GRHL3: variants seen among roughly 807,000 people sequenced by gnomAD.
GRHL3 encodes the protein grainyhead like transcription factor 3, also known as grainyhead-like protein 3 homolog.
Under a neutral mutation model 70.3 loss-of-function variants are expected in GRHL3, and 20 were observed. That is an observed-to-expected ratio of 0.28 (90% CI 0.20 to 0.41). GRHL3 has a LOEUF of 0.41. GRHL3 is among the 10% of genes least tolerant of loss of function. The pLI is 1.00. For synonymous variants in GRHL3, 299 were observed against 299.9 expected, an observed-to-expected ratio of 1.00 and a Z score of 0.03; for missense variants, 637 against 762.3, an observed-to-expected ratio of 0.84 and a Z score of 1.94.
intron 1 of GRHL3, 79 bp from the exon 2 acceptor site, chr1:24,331,347 T>C: frequency 7.7e-7 from 1 of 1,307,014 alleles, no homozygotes; most frequent in East Asian, 2.4e-5. Context: ...TCTGAATTCC[T>C]GGGCGTTGGC....
At chr1:24,345,575 G>A (rs566915297) in intron 12 of GRHL3, among the ~76,000 whole-genome samples, 1 of 152,270 alleles carries the variant, frequency 6.6e-6, no homozygotes, top group Admixed American at 6.5e-5. Context: ...CTGTGGTGGT[G>A]CAGATTCAGA....
chr1:24,346,439 A>C, intron 12 of GRHL3, 114 bp from the exon 13 acceptor site: 1 of 677,264 alleles, frequency 1.5e-6, no homozygotes, highest in Non-Finnish European at 2.6e-6. Flanking sequence ...TCTGCTTTGC[A>C]TCCACCCTTG....
At chr1:24,358,333 G>A (rs557982156), downstream of GRHL3, 93 of 690,532 alleles carry the variant, frequency 1.3e-4, no homozygotes, top group African/African-American at 1.5e-3. Context: ...AGTCTGTGGG[G>A]CTGGGGTGAA....
At chr1:24,355,896 AT>A (rs1640699299), downstream of GRHL3, among the ~76,000 whole-genome samples, 2 of 116,098 alleles carry the variant, frequency 1.7e-5, no homozygotes, top group African/African-American at 6.9e-5. Flanking sequence ...CTTTTCATTT[AT>A]CTTTTTTTTT....
At chr1:24,336,909 G>A (rs901921963) in intron 4 of GRHL3, 82 bp downstream of exon 4, 2 of 1,331,598 alleles carry the variant, frequency 1.5e-6, no homozygotes, top group African/African-American at 1.4e-5. Context: ...ACAGATCAGA[G>A]CTTTGGAATC....
chr1:24,322,887 G>A lies in GRHL3; in HGVS notation c.17+3319G>A, dbSNP rs1406448671. Among the ~76,000 whole-genome samples the A allele has an allele frequency of 6.6e-6, 1 of 152,214 alleles. No individual in the cohort carries two copies. Among genetic ancestry groups the A allele is most frequent in the Non-Finnish European group, 1.5e-5 (1 of 68,046 alleles). ...CCTCCCAACAAACTAATGCGGGATG[G>A]GAGTGTAAATGCAGTTTTGCCGAAG... On this transcript the variant is annotated intron_variant, in intron 1 of 15. Transcript: ENST00000361548. The surrounding 1 kb of genome is among the most constrained non-coding windows in gnomAD (Gnocchi z 4.4).
Position 24,342,379 on chromosome 1 carries a change from T to A in GRHL3, c.1206+106T>A. ...CTCTGGGTTGTCTGTCTCTCTCTGT[T>A]TTTCTATCCCTTCTCCTCCTTCCCC... On this transcript the variant is annotated intron_variant, in intron 9 of 15. Transcript: ENST00000361548. The surrounding 1 kb of genome is among the most constrained non-coding windows in gnomAD (Gnocchi z 4.8). 1 of 966,706 alleles carries A rather than the reference T, an allele frequency of 1.0e-6. No individual in the cohort carries two copies. Among genetic ancestry groups the A allele is most frequent in the Non-Finnish European group, 1.6e-6 (1 of 643,594 alleles). The allele number at this position is 966,706 out of a possible 1,614,324, so 59.9% of individuals were successfully genotyped here.
At chr1:24,345,515 G>A (rs559603165) in intron 12 of GRHL3, among the ~76,000 whole-genome samples, 8 of 151,876 alleles carry the variant, frequency 5.3e-5, no homozygotes, top group South Asian at 2.1e-4. Flanking sequence ...GTGAAAAGTC[G>A]GCGAATCTCT....
At chr1:24,363,666 G>A (rs185441489) in intron 15 of GRHL3, among the ~76,000 whole-genome samples, 8 of 152,296 alleles carry the variant, frequency 5.3e-5, no homozygotes, top group Admixed American at 3.3e-4. Flanking sequence ...AAATCTGTTC[G>A]AATAGAGGTT....
intron 8 of GRHL3, among the ~76,000 whole-genome samples, chr1:24,341,000 TG>T (rs1640014600): frequency 6.6e-6 from 1 of 151,784 alleles, no homozygotes; most frequent in South Asian, 2.1e-4. Context: ...GGCATGTGCC[TG>T]GGGGCCTGGT....
Position 24,342,882 on chromosome 1 carries a change from C to T in GRHL3, c.1286-10C>T, listed in dbSNP as rs1640101664. 7 of 1,614,222 alleles carry T rather than the reference C, an allele frequency of 4.3e-6. No individual in the cohort carries two copies. Among genetic ancestry groups the T allele is most frequent in the Non-Finnish European group, 5.9e-6 (7 of 1,180,046 alleles). ...GACCTCGGGGCACATTGGCTTCCTT[C>T]TCCCATCAGGCGTCAAGGGCTGCCT... On this transcript the variant is annotated splice_polypyrimidine_tract_variant and intron_variant, in intron 10 of 15. Coordinates refer to ENST00000361548, the MANE Select transcript of GRHL3 (RefSeq NM_198173.3). This position sits in a 1 kb window ranked among gnomAD's most constrained non-coding sequence, Gnocchi z 4.8.
At chr1:24,359,448 G>T (rs368254684), downstream of GRHL3, among the ~76,000 whole-genome samples, 1 of 152,178 alleles carries the variant, frequency 6.6e-6, no homozygotes, top group Non-Finnish European at 1.5e-5. This position sits in a 1 kb window ranked among gnomAD's most constrained non-coding sequence, Gnocchi z 5.3. Context: ...AGTTCTCCTC[G>T]ACTGACTAGA....
At chr1:24,337,055 C>T in intron 4 of GRHL3, 23 bp from the exon 5 acceptor site, 2 of 1,610,120 alleles carry the variant, frequency 1.2e-6, no homozygotes, top group South Asian at 1.1e-5. Context: ...CATTTATTCT[C>T]TTGGGGCTGT....
downstream of GRHL3, chr1:24,357,626 G>A (rs7527465): frequency 0.18 from 28,745 of 160,912 alleles, 3,220 homozygotes; most frequent in African/African-American, 0.32. Context: ...GGTATCTGGC[G>A]GGGTTAATGT....
chr1:24,350,942 G>C (rs1210654792), intron 15 of GRHL3, among the ~76,000 whole-genome samples: 1 of 152,198 alleles, frequency 6.6e-6, no homozygotes, highest in Non-Finnish European at 1.5e-5. Flanking sequence ...CAGTCCCCTG[G>C]TCAGAGCTAG....
At chr1:24,329,290 A>G (rs547275594) in intron 1 of GRHL3, among the ~76,000 whole-genome samples, 7 of 152,124 alleles carry the variant, frequency 4.6e-5, no homozygotes, top group Admixed American at 1.3e-4. Flanking sequence ...ATGCTGAGGT[A>G]TGGCCTGGCC....
intron 15 of GRHL3, among the ~76,000 whole-genome samples, chr1:24,350,407 T>G (rs1640458280): frequency 6.6e-6 from 1 of 152,180 alleles, no homozygotes; most frequent in Non-Finnish European, 1.5e-5. Context: ...TCAAGGCCAC[T>G]GGGAAACCAA....
downstream of GRHL3, among the ~76,000 whole-genome samples, chr1:24,356,802 A>T (rs531538773): frequency 6.6e-6 from 1 of 152,218 alleles, no homozygotes; most frequent in South Asian, 2.1e-4. Context: ...GCTTCTCTCC[A>T]CTTAAATATT....
At chr1:24,323,352 T>A (rs1373268865) in intron 1 of GRHL3, among the ~76,000 whole-genome samples, 1 of 152,020 alleles carries the variant, frequency 6.6e-6, no homozygotes, top group East Asian at 1.9e-4. Context: ...TGGCTCAGCG[T>A]TATGTGTTTT....
Sources: allele counts gnomAD v4.1 joint callset (sites outside exome capture counted in the v4.1 genomes callset), GRCh38; gene constraint gnomAD v4.1.1; non-coding constraint Gnocchi (gnomAD v3.1); transcripts MANE v1.5; gene names NCBI Gene and HGNC (gene_info 2026-07-23, HGNC 2026-07-21).